The following PPM1E variants were observed in gnomAD, a reference collection of about 807,000 sequenced individuals.
PPM1E encodes the protein protein phosphatase 1E.
A neutral mutation model predicts 65.9 loss-of-function variants in PPM1E; 20 were observed. The observed-to-expected ratio is 0.30, with a 90% CI of 0.21 to 0.44. The LOEUF (loss-of-function observed/expected upper bound fraction) is 0.44, where lower values mean the gene tolerates loss of function less well. Ranked by LOEUF, PPM1E falls within the 20% of genes least tolerant of loss-of-function variation. The probability of loss-of-function intolerance (pLI) is 1.00; values close to 1 mark genes in which losing one functional copy is unlikely to be tolerated. For synonymous variants in PPM1E, 352 were observed against 374.9 expected (o/e 0.94, Z 0.70); for missense variants, 713 against 953.1 (o/e 0.75, Z 3.32).
intron 1 of PPM1E, among the ~76,000 whole-genome samples, chr17:58,841,729 A>T (rs1385002455): frequency 6.6e-6 from 1 of 150,904 alleles, no homozygotes; most frequent in Non-Finnish European, 1.5e-5. Flanking sequence ...TCATTTCGAG[A>T]CAGAGTCTTA....
chr17:58,884,083 G>C (rs991453600), intron 1 of PPM1E, among the ~76,000 whole-genome samples: 1 of 152,158 alleles, frequency 6.6e-6, no homozygotes, highest in Non-Finnish European at 1.5e-5. Flanking sequence ...GTCCTCTACT[G>C]TACCTGGTGT....
intron 1 of PPM1E, among the ~76,000 whole-genome samples, chr17:58,813,989 A>T (rs1489473957): frequency 6.6e-6 from 1 of 152,176 alleles, no homozygotes; most frequent in Non-Finnish European, 1.5e-5. Context: ...TATAAGCATG[A>T]ATAAGAAATA....
At chr17:58,870,291 T>G (rs1010038144) in intron 1 of PPM1E, among the ~76,000 whole-genome samples, 1 of 152,232 alleles carries the variant, frequency 6.6e-6, no homozygotes, top group Non-Finnish European at 1.5e-5. Flanking sequence ...TCAGAAAGCT[T>G]CTAAGTACCA....
intron 1 of PPM1E, among the ~76,000 whole-genome samples, chr17:58,844,721 CAT>C: frequency 6.6e-6 from 1 of 152,262 alleles, no homozygotes; most frequent in South Asian, 2.1e-4. Flanking sequence ...ATAGAGGCAA[CAT>C]ATTTTATAAA....
chr17:58,790,812 T>C (rs1003310805), intron 1 of PPM1E, among the ~76,000 whole-genome samples: 1 of 152,156 alleles, frequency 6.6e-6, no homozygotes, highest in Non-Finnish European at 1.5e-5. Context: ...TGCCCCCTAC[T>C]GTCTTACTGC....
chr17:58,977,066 A>C (rs780566355), intron 6 of PPM1E, among the ~76,000 whole-genome samples: 21 of 152,160 alleles, frequency 1.4e-4, no homozygotes, highest in Non-Finnish European at 2.9e-4. Flanking sequence ...GAGCTCTAAC[A>C]GGCTATGGAG....
At chr17:58,848,477 C>G (rs976589566) in intron 1 of PPM1E, among the ~76,000 whole-genome samples, 3 of 152,122 alleles carry the variant, frequency 2.0e-5, no homozygotes, top group Admixed American at 6.6e-5. Context: ...GAGTTTTTAG[C>G]ATGAAGGGCT....
At chr17:58,790,507 C>T (rs2050147176) in intron 1 of PPM1E, among the ~76,000 whole-genome samples, 1 of 152,090 alleles carries the variant, frequency 6.6e-6, no homozygotes, top group Admixed American at 6.6e-5. Flanking sequence ...GTCTAATTCC[C>T]CTCTCCTTGA....
intron 1 of PPM1E, among the ~76,000 whole-genome samples, chr17:58,872,142 A>C (rs1027343547): frequency 1.3e-5 from 2 of 152,106 alleles, no homozygotes; most frequent in Non-Finnish European, 2.9e-5. Context: ...TACTAAAAAT[A>C]CAAAATTAGC....
intron 1 of PPM1E, among the ~76,000 whole-genome samples, chr17:58,851,689 C>CT (rs1375486920): frequency 1.6e-4 from 25 of 152,232 alleles, no homozygotes; most frequent in African/African-American, 5.8e-4. Flanking sequence ...CAGTTGGCCC[C>CT]TACTGGGAGA....
chr17:58,925,297 GTGGT>G (rs2051809857), intron 1 of PPM1E, among the ~76,000 whole-genome samples: 1 of 151,786 alleles, frequency 6.6e-6, no homozygotes, highest in Admixed American at 6.6e-5. Context: ...GTATCTCATT[GTGGT>G]TTTTTTTTGC....
intron 1 of PPM1E, among the ~76,000 whole-genome samples, chr17:58,872,202 C>G (rs1326696638): frequency 6.6e-6 from 1 of 152,082 alleles, no homozygotes; most frequent in Non-Finnish European, 1.5e-5. Context: ...GAGGCTGAGA[C>G]AGGAGAATTG....
chr17:58,782,273 G>A (rs550084974), intron 1 of PPM1E, among the ~76,000 whole-genome samples: 9 of 152,232 alleles, frequency 5.9e-5, no homozygotes, highest in African/African-American at 2.2e-4. Context: ...CTAAGACTTG[G>A]AAAATTGGGA....
chr17:58,980,561 G>C lies in PPM1E; in HGVS notation c.1798G>C (p.Ala600Pro), dbSNP rs1378188016. 1 of 1,614,146 alleles carries C rather than the reference G, an allele frequency of 6.2e-7. No individual in the cohort carries two copies. Among genetic ancestry groups the C allele is most frequent in the East Asian group, 2.2e-5 (1 of 44,888 alleles). The change falls in exon 7 of 7, where the codon GCA becomes CCA. Residue 600 changes from alanine to proline, a missense_variant. Coordinates refer to ENST00000308249, the MANE Select transcript of PPM1E (RefSeq NM_014906.5). The surrounding 1 kb of genome is among the most constrained non-coding windows in gnomAD (Gnocchi z 4.7). ...GTTTGGTCCTGGTGCACCAAAGAAA[G>C]CAAATCTTATTAATGAGTTAATGAT... is the stretch of plus-strand genomic sequence containing the variant. ...EMFGPGAPKK[A>P]NLINELMMEK... is the part of the protein sequence containing the mutation.
intron 1 of PPM1E, among the ~76,000 whole-genome samples, chr17:58,801,333 A>C (rs908834156): frequency 1.1e-4 from 16 of 152,162 alleles, no homozygotes; most frequent in Non-Finnish European, 1.8e-4. Flanking sequence ...TTTGACAAAC[A>C]TACATATTTA....
chr17:58,800,296 T>C (rs1306942069), intron 1 of PPM1E, among the ~76,000 whole-genome samples: 1 of 152,194 alleles, frequency 6.6e-6, no homozygotes, highest in African/African-American at 2.4e-5. Context: ...TTATCCTTTT[T>C]ATATACTGCT....
At chr17:58,877,043 A>T (rs975004242) in intron 1 of PPM1E, among the ~76,000 whole-genome samples, 1 of 152,174 alleles carries the variant, frequency 6.6e-6, no homozygotes. Flanking sequence ...TCGGCCTCCC[A>T]AAGTGCTGGG....
At chr17:58,889,047 G>A (rs2051314698) in intron 1 of PPM1E, among the ~76,000 whole-genome samples, 1 of 152,054 alleles carries the variant, frequency 6.6e-6, no homozygotes, top group African/African-American at 2.4e-5. Flanking sequence ...ATTCTTCAAA[G>A]TTATTAGAAT....
intron 6 of PPM1E, 81 bp downstream of exon 6, chr17:58,973,006 G>C (rs1394432341): frequency 1.1e-6 from 1 of 870,888 alleles, no homozygotes; most frequent in East Asian, 2.5e-5. Flanking sequence ...CAGGGAACCT[G>C]AGATGATAAT....
Sources: gnomAD v4.1 joint callset for allele counts (sites outside exome capture counted in the v4.1 genomes callset) on GRCh38, gnomAD v4.1.1 for gene constraint, Gnocchi (gnomAD v3.1) non-coding constraint, MANE v1.5 for transcripts, NCBI Gene and HGNC (gene_info 2026-07-23, HGNC 2026-07-21) for gene names.